The following TMEM132B variants were observed in gnomAD, a reference collection of about 807,000 sequenced individuals.
TMEM132B encodes transmembrane protein 132B.
TMEM132B carries 18 observed loss-of-function variants against 90.8 expected under a neutral mutation model. The ratio of observed to expected loss-of-function variants is 0.20; its 90% CI spans 0.14 to 0.29. The LOEUF is 0.29. TMEM132B is among the 10% of genes least tolerant of loss of function. The probability of loss-of-function intolerance (pLI) is 1.00; values close to 1 mark genes in which losing one functional copy is unlikely to be tolerated. For missense variants in TMEM132B, 1,096 were observed against 1,326.8 expected (o/e 0.83, Z 2.70); for synonymous variants, 504 against 523.3 (o/e 0.96, Z 0.50).
chr12:125,559,003 T>G (rs748379333), intron 4 of TMEM132B, among the ~76,000 whole-genome samples: 1 of 152,206 alleles, frequency 6.6e-6, no homozygotes, highest in African/African-American at 2.4e-5. Flanking sequence ...TTGGAGAATG[T>G]ACTAAGAATA....
chr12:125,377,619 T>C (rs139732115), intron 2 of TMEM132B, among the ~76,000 whole-genome samples: 18 of 152,290 alleles, frequency 1.2e-4, no homozygotes, highest in African/African-American at 4.1e-4. Context: ...GGCTCAGGGA[T>C]CTAATTATTA....
chr12:125,217,908 G>C (rs143035457), intron 1 of TMEM132B, among the ~76,000 whole-genome samples: 1 of 152,166 alleles, frequency 6.6e-6, no homozygotes, highest in Admixed American at 6.5e-5. Flanking sequence ...GCAGTTGTTC[G>C]TAAGAGGAGA....
At chr12:125,611,538 A>G (rs868335595) in intron 5 of TMEM132B, among the ~76,000 whole-genome samples, 18 of 152,054 alleles carry the variant, frequency 1.2e-4, no homozygotes, top group African/African-American at 4.3e-4. Context: ...AGCATTAACT[A>G]CTTATATTCT....
chr12:125,482,444 G>A (rs1041863796), intron 3 of TMEM132B, among the ~76,000 whole-genome samples: 3 of 152,190 alleles, frequency 2.0e-5, no homozygotes, highest in African/African-American at 7.2e-5. Context: ...AGTGGGCAAA[G>A]GATATGAACA....
intron 3 of TMEM132B, among the ~76,000 whole-genome samples, chr12:125,502,996 C>T (rs1287756193): frequency 2.6e-5 from 4 of 152,192 alleles, no homozygotes; most frequent in Admixed American, 2.6e-4. Flanking sequence ...TCACAGATCT[C>T]AGACCATGTG....
chr12:125,341,408 C>T (rs564593429), intron 1 of TMEM132B, among the ~76,000 whole-genome samples: 14 of 152,124 alleles, frequency 9.2e-5, no homozygotes, highest in East Asian at 1.9e-4. Flanking sequence ...ATGATGATAA[C>T]GATTTTAATA....
At chr12:125,627,215 G>A (rs1452564722) in intron 5 of TMEM132B, among the ~76,000 whole-genome samples, 1 of 151,944 alleles carries the variant, frequency 6.6e-6, no homozygotes, top group Non-Finnish European at 1.5e-5. Context: ...ATTTCCTCTA[G>A]AGCCTTTAAC....
In TMEM132B at chr12:125,470,745, G is replaced by A. The variant is rs182444700; in HGVS notation, c.1107-48694G>A. Among the ~76,000 whole-genome samples, 147 of 152,282 alleles carry A rather than the reference G, an allele frequency of 9.7e-4. 1 individual carries two copies. The highest frequency in any genetic ancestry group is 3.4e-3 in the African/African-American group (143 of 41,568). ...AGACACCAGGGGTCACTCCTGGGGG[G>A]TTTGCCTCACTCCTGGGCTCACTGA... On this transcript the variant is annotated intron_variant, in intron 3 of 8. Transcript: ENST00000682704.
At chr12:125,500,796 G>T (rs1304677034) in intron 3 of TMEM132B, among the ~76,000 whole-genome samples, 1 of 152,130 alleles carries the variant, frequency 6.6e-6, no homozygotes, top group African/African-American at 2.4e-5. Flanking sequence ...AATGAGGAGA[G>T]TAGATTTTTG....
chr12:125,231,121 T>C (rs548855247), intron 1 of TMEM132B, among the ~76,000 whole-genome samples: 1 of 152,222 alleles, frequency 6.6e-6, no homozygotes, highest in South Asian at 2.1e-4. Context: ...CTCTTCCAGC[T>C]CCTGGTGGCT....
intron 5 of TMEM132B, among the ~76,000 whole-genome samples, chr12:125,607,719 C>T (rs1465754336): frequency 6.6e-6 from 1 of 152,104 alleles, no homozygotes; most frequent in South Asian, 2.1e-4. Context: ...TTTTCATCAC[C>T]CCCATATTAA....
Position 125,213,779 on chromosome 12 carries a change from C to T in TMEM132B, c.67+26913C>T, listed in dbSNP as rs1217545942. Reference sequence around the variant, plus strand: ...GATCATGACTACCTTGCTTATTCATCCACCTGTACTCCTAGCATCAAGGGA... The same window carrying T: ...GATCATGACTACCTTGCTTATTCATTCACCTGTACTCCTAGCATCAAGGGA... On this transcript the variant is annotated intron_variant, in intron 1 of 8. Transcript: ENST00000682704. This position sits in a 1 kb window ranked among gnomAD's most constrained non-coding sequence, Gnocchi z 4.2. 6.6e-6 allele frequency among the ~76,000 whole-genome samples: 1 copy of T among 152,200 alleles called. No homozygotes were observed. The highest frequency in any genetic ancestry group is 2.4e-5 in the African/African-American group (1 of 41,434).
At chr12:125,374,583 A>T (rs1185398691) in intron 2 of TMEM132B, among the ~76,000 whole-genome samples, 2 of 152,060 alleles carry the variant, frequency 1.3e-5, no homozygotes, top group African/African-American at 4.8e-5. Context: ...TGGGGGTTTC[A>T]GCCAAGTCTT....
intron 3 of TMEM132B, among the ~76,000 whole-genome samples, chr12:125,507,781 G>T (rs1434636955): frequency 6.6e-6 from 1 of 152,158 alleles, no homozygotes; most frequent in Non-Finnish European, 1.5e-5. Context: ...ACTGAGATGA[G>T]AATTCCTCAA....
chr12:125,295,515 T>TGTGAGAGAGAGAGAGAGAGA (rs531489519), intron 1 of TMEM132B, among the ~76,000 whole-genome samples: 9 of 142,332 alleles, frequency 6.3e-5, no homozygotes, highest in African/African-American at 2.4e-4. Context: ...TGTGTGTGTG[T>TGTGAGAGAGAGAGAGAGAGA]GAGAGAGAGA....
rs2136098351 is a variant in TMEM132B at position 125,246,535 on chromosome 12, T to C, written c.67+59669T>C. Among the ~76,000 whole-genome samples, 1 of 152,312 alleles carries C rather than the reference T, an allele frequency of 6.6e-6. No homozygotes were observed. The highest frequency in any genetic ancestry group is 1.9e-4 in the East Asian group (1 of 5,174). ...TTGTGCAGTGGCATTTGGAAGCCCT[T>C]ATTAAGTGATTCCCGTTTGCTTCGG... On this transcript the variant is annotated intron_variant, in intron 1 of 8. Transcript: ENST00000682704. This position sits in a 1 kb window ranked among gnomAD's most constrained non-coding sequence, Gnocchi z 4.2.
Position 125,246,602 on chromosome 12 carries a change from T to C in TMEM132B, c.67+59736T>C, listed in dbSNP as rs1874213893. On this transcript the variant is annotated intron_variant, in intron 1 of 8. Transcript: ENST00000682704. This position sits in a 1 kb window ranked among gnomAD's most constrained non-coding sequence, Gnocchi z 4.2. The stretch of plus-strand genomic sequence containing the variant: ...GCGAGACTTCAGGACAAGTTCAGCG[T>C]CTCCAGCACACACAGTGCCATTTAA... Among the ~76,000 whole-genome samples the C allele has an allele frequency of 6.6e-6, 1 of 152,208 alleles. No homozygotes were observed. Among genetic ancestry groups the C allele is most frequent in the Admixed American group, 6.5e-5 (1 of 15,292 alleles).
chr12:125,494,112 C>G (rs1216634259), intron 3 of TMEM132B, among the ~76,000 whole-genome samples: 2 of 134,254 alleles, frequency 1.5e-5, no homozygotes, highest in South Asian at 2.7e-4. Flanking sequence ...CCGCATCCCT[C>G]CTCCCCCTCC....
intron 5 of TMEM132B, among the ~76,000 whole-genome samples, chr12:125,640,460 G>A (rs1241258150): frequency 6.6e-6 from 1 of 152,214 alleles, no homozygotes; most frequent in Non-Finnish European, 1.5e-5. Context: ...GCCTAGGAGA[G>A]CTCAGGGGAG....
Sources: gnomAD v4.1 joint callset for allele counts (sites outside exome capture counted in the v4.1 genomes callset) on GRCh38, gnomAD v4.1.1 for gene constraint, Gnocchi (gnomAD v3.1) non-coding constraint, MANE v1.5 for transcripts, NCBI Gene and HGNC (gene_info 2026-07-23, HGNC 2026-07-21) for gene names.